The following NRDC variants were observed in gnomAD, a reference collection of about 807,000 sequenced individuals.
NRDC encodes nardilysin convertase, also known as nardilysin.
Under a neutral mutation model 147.1 loss-of-function variants are expected in NRDC, and 54 were observed. That is an observed-to-expected ratio of 0.37 (90% CI 0.29 to 0.46). The LOEUF (loss-of-function observed/expected upper bound fraction) is 0.46, where lower values mean the gene tolerates loss of function less well. NRDC is among the 20% of genes least tolerant of loss of function. The pLI, the probability that NRDC is intolerant of heterozygous loss-of-function variation, is 1.00. For synonymous variants in NRDC, 440 were observed against 482.1 expected, an observed-to-expected ratio of 0.91 and a Z score of 1.14; for missense variants, 1,082 against 1,370.6, an observed-to-expected ratio of 0.79 and a Z score of 3.33.
chr1:51,867,396 T>C (rs146239615), intron 1 of NRDC, among the ~76,000 whole-genome samples: 20 of 151,776 alleles, frequency 1.3e-4, no homozygotes, highest in African/African-American at 4.8e-4. Flanking sequence ...CAAATGACAA[T>C]AAGTGCTATA....
At chr1:51,818,236 A>C in intron 9 of NRDC, 101 bp from the exon 10 acceptor site, 2 of 770,106 alleles carry the variant, frequency 2.6e-6, no homozygotes, top group Admixed American at 3.4e-5. Context: ...CCAATAAACA[A>C]GGAAAGGTTA....
intron 22 of NRDC, among the ~76,000 whole-genome samples, chr1:51,797,142 GT>G (rs1214109217): frequency 2.6e-5 from 4 of 151,952 alleles, no homozygotes. Context: ...GGAGGTTGCA[GT>G]TGGGCCAAGA....
At chr1:51,836,082 T>A (rs1680957136) in intron 3 of NRDC, 49 bp downstream of exon 3, 2 of 1,388,582 alleles carry the variant, frequency 1.4e-6, no homozygotes, top group East Asian at 2.3e-5. Flanking sequence ...CATATAAGTT[T>A]GGAGGGGGGA....
intron 1 of NRDC, chr1:51,878,068 C>T: frequency 2.1e-6 from 3 of 1,410,238 alleles, no homozygotes; most frequent in Middle Eastern, 2.6e-4. Flanking sequence ...CCCATTCTGA[C>T]GTCTTACAAC....
At chr1:51,830,394 C>A (rs1680655819) in intron 4 of NRDC, among the ~76,000 whole-genome samples, 1 of 152,110 alleles carries the variant, frequency 6.6e-6, no homozygotes, top group South Asian at 2.1e-4. Flanking sequence ...TGAGTACCTG[C>A]TTATTTTTGA....
chr1:51,826,232 C>A (rs1350029078), intron 5 of NRDC, among the ~76,000 whole-genome samples: 1 of 152,170 alleles, frequency 6.6e-6, no homozygotes, highest in East Asian at 1.9e-4. Context: ...AGCTCAACAA[C>A]CTTGAGGAAG....
At chr1:51,865,412 C>T (rs1428169383) in intron 1 of NRDC, among the ~76,000 whole-genome samples, 1 of 151,726 alleles carries the variant, frequency 6.6e-6, no homozygotes, top group Non-Finnish European at 1.5e-5. Flanking sequence ...TCAAGCGATA[C>T]TCCCACCTCA....
chr1:51,793,085 C>T (rs149109494), intron 24 of NRDC, among the ~76,000 whole-genome samples: 2 of 152,324 alleles, frequency 1.3e-5, no homozygotes, highest in African/African-American at 2.4e-5. Context: ...CCTATGTGCC[C>T]TTGCAAGACC....
intron 17 of NRDC, 119 bp downstream of exon 17, chr1:51,809,196 A>C: frequency 1.3e-6 from 1 of 770,118 alleles, no homozygotes; most frequent in Non-Finnish European, 2.2e-6. Flanking sequence ...TGCCAACCTC[A>C]GAATGTTACT....
At chr1:51,852,489 A>G (rs1682006428) in intron 1 of NRDC, among the ~76,000 whole-genome samples, 1 of 19,388 alleles carries the variant, frequency 5.2e-5, no homozygotes, top group Non-Finnish European at 9.4e-5. Context: ...ATTATATATA[A>G]CATGTATATG....
At position 51,878,319 on chromosome 1, in the gene NRDC, C is replaced by T. The variant is rs1443726073; in HGVS notation, c.297G>A (p.Gly99=). 3.7e-6 allele frequency: 6 copies of T among 1,613,958 alleles called. No individual in the cohort carries two copies. The highest frequency in any genetic ancestry group is 1.7e-5 in the Admixed American group (1 of 59,986). ...TGGGAGACTTGACGATCTCAGGGTC[C>T]CCAGCATTACTGAGAGACCCCCTCC... The part of the protein sequence containing the change: ...EGRRGSLSNA[G]DPEIVKSPSD... The change falls in exon 1 of 31, where the codon GGG becomes GGA. Residue 99 remains glycine (G), a synonymous_variant. Transcript: ENST00000352171.
At chr1:51,861,191 C>A (rs1455190597) in intron 1 of NRDC, among the ~76,000 whole-genome samples, 5 of 151,308 alleles carry the variant, frequency 3.3e-5, no homozygotes, top group Non-Finnish European at 4.4e-5. Context: ...CTCAGGTGAT[C>A]CACCCACCTT....
intron 1 of NRDC, among the ~76,000 whole-genome samples, chr1:51,870,660 CACTTT>C (rs971340326): frequency 6.6e-6 from 1 of 152,138 alleles, no homozygotes; most frequent in Non-Finnish European, 1.5e-5. Context: ...TTACTTCCTT[CACTTT>C]AAGTGAAGAT....
At chr1:51,834,569 G>A (rs1272271568) in intron 3 of NRDC, among the ~76,000 whole-genome samples, 1 of 152,130 alleles carries the variant, frequency 6.6e-6, no homozygotes, top group South Asian at 2.1e-4. Flanking sequence ...GCCCACCTCG[G>A]CCTCCCAAAG....
chr1:51,816,408 G>C lies in NRDC; in HGVS notation c.1362-19C>G. 6.7e-7 allele frequency: 1 copy of C among 1,500,186 alleles called. No homozygotes were observed. The highest frequency in any genetic ancestry group is 9.0e-7 in the Non-Finnish European group (1 of 1,110,306). 92.9% of individuals were successfully genotyped at this position (1,500,186 alleles called of 1,614,324 possible). A position where few individuals can be genotyped will look rare whatever the true frequency, so the allele number is the denominator to read the frequency against. On this transcript the variant is annotated intron_variant, in intron 10 of 30. Coordinates refer to ENST00000352171, the MANE Select transcript of NRDC (RefSeq NM_001101662.2). ...CTTCACCCTTTTAAAAAAATTTAATGGTCAGAAGAAAAAAACAAAAGGTAT... is the reference window on the plus strand; with the variant it reads ...CTTCACCCTTTTAAAAAAATTTAATCGTCAGAAGAAAAAAACAAAAGGTAT...
At chr1:51,828,531 C>T (rs1473901520) in intron 4 of NRDC, among the ~76,000 whole-genome samples, 1 of 151,910 alleles carries the variant, frequency 6.6e-6, no homozygotes. Context: ...ATTTCATCTG[C>T]TTTTTAAATT....
chr1:51,869,104 C>G (rs1682959545), intron 1 of NRDC, among the ~76,000 whole-genome samples: 2 of 151,892 alleles, frequency 1.3e-5, no homozygotes, highest in Non-Finnish European at 2.9e-5. Context: ...TGCACACCAC[C>G]AAGCCCAGCT....
intron 1 of NRDC, among the ~76,000 whole-genome samples, chr1:51,846,902 G>C (rs900956275): frequency 6.6e-6 from 1 of 152,216 alleles, no homozygotes; most frequent in Non-Finnish European, 1.5e-5. Context: ...TCCTGAGCTA[G>C]ACACAAAAGT....
rs1392232286 is a variant in NRDC, at chr1:51,836,144, G to C, written c.699C>G (p.His233Gln). ...ADPDDLPGLAHFLEHMVFMGS... is the reference protein window; with the variant it reads ...ADPDDLPGLAQFLEHMVFMGS... The stretch of plus-strand genomic sequence containing the variant: ...ACAAATTCTTACTGTGCTCCAAAAA[G>C]TGTGCCAGCCCCGGCAGGTCATCTG... Residue 233 changes from histidine (H) to glutamine (Q), a missense_variant, in exon 3 of 31, where the codon CAC (histidine) becomes CAG (glutamine). This residue lies in a region of NRDC where 635 missense variants were observed against 923.8 expected (regional missense o/e 0.69). Transcript: ENST00000352171. 6.2e-7 allele frequency: 1 copy of C among 1,613,928 alleles called. No individual in the cohort carries two copies. Among genetic ancestry groups the C allele is most frequent in the Non-Finnish European group, 8.5e-7 (1 of 1,179,954 alleles).
Sources: gnomAD v4.1 joint callset for allele counts (sites outside exome capture counted in the v4.1 genomes callset) on GRCh38, gnomAD v4.1.1 for gene constraint, gnomAD v4.1.1 regional missense constraint, MANE v1.5 for transcripts, NCBI Gene and HGNC (gene_info 2026-07-23, HGNC 2026-07-21) for gene names.